SGCZ: variants seen among roughly 807,000 people sequenced by gnomAD.
SGCZ encodes sarcoglycan zeta, also known as zeta-sarcoglycan.
A neutral mutation model predicts 41.3 loss-of-function variants in SGCZ; 40 were observed. The observed-to-expected ratio is 0.97, with a 90% confidence interval of 0.75 to 1.26. The LOEUF (loss-of-function observed/expected upper bound fraction) is 1.26. Ranked by LOEUF, SGCZ falls within the 50% of genes most tolerant of loss-of-function variation. SGCZ has a pLI of 0.00. For synonymous variants in SGCZ, 206 were observed against 137.5 expected (o/e 1.50, Z -3.49); for missense variants, 552 against 369.8 (o/e 1.49, Z -4.04).
chr8:14,974,837 G>A (rs1326256671), intron 1 of SGCZ, among the ~76,000 whole-genome samples: 2 of 131,540 alleles, frequency 1.5e-5, no homozygotes, highest in South Asian at 2.4e-4. Flanking sequence ...GAAAACATAA[G>A]ACGAATGAAG....
intron 1 of SGCZ, among the ~76,000 whole-genome samples, chr8:15,186,696 G>A (rs1800356998): frequency 6.6e-6 from 1 of 152,154 alleles, no homozygotes; most frequent in South Asian, 2.1e-4. Context: ...TATTTATTGA[G>A]TGCATGAAGG....
chr8:15,019,603 C>G (rs1389112853), intron 1 of SGCZ, among the ~76,000 whole-genome samples: 1 of 151,872 alleles, frequency 6.6e-6, no homozygotes, highest in African/African-American at 2.4e-5. Context: ...CTTACATTCT[C>G]AGCTCCTCTG....
intron 1 of SGCZ, among the ~76,000 whole-genome samples, chr8:14,777,166 A>C (rs1340606236): frequency 6.6e-6 from 1 of 152,200 alleles, no homozygotes; most frequent in Non-Finnish European, 1.5e-5. Context: ...ATGGACGTTT[A>C]TCTAAAGTTA....
chr8:14,848,006 A>G (rs1250095347), intron 1 of SGCZ, among the ~76,000 whole-genome samples: 1 of 152,150 alleles, frequency 6.6e-6, no homozygotes, highest in Admixed American at 6.5e-5. Context: ...ATAACCTACA[A>G]AGAAGTTACT....
chr8:14,443,029 G>C (rs183843905), intron 2 of SGCZ, among the ~76,000 whole-genome samples: 1 of 152,174 alleles, frequency 6.6e-6, no homozygotes, highest in South Asian at 2.1e-4. Context: ...GCCAAACAGA[G>C]AGCCAAATCA....
chr8:14,400,994 A>G (rs1799055834), intron 2 of SGCZ, among the ~76,000 whole-genome samples: 1 of 152,146 alleles, frequency 6.6e-6, no homozygotes, highest in African/African-American at 2.4e-5. Flanking sequence ...CCTAACAATC[A>G]GTGGAACATG....
intron 1 of SGCZ, among the ~76,000 whole-genome samples, chr8:14,837,829 G>C (rs1034562975): frequency 3.9e-5 from 6 of 151,984 alleles, no homozygotes; most frequent in African/African-American, 1.2e-4. Context: ...TATTTAGGGA[G>C]TGCATGTGAT....
At chr8:14,447,324 A>C (rs1800461314) in intron 2 of SGCZ, among the ~76,000 whole-genome samples, 1 of 152,124 alleles carries the variant, frequency 6.6e-6, no homozygotes, top group African/African-American at 2.4e-5. Context: ...TTTTTATTTA[A>C]TTATGAAATC....
intron 4 of SGCZ, among the ~76,000 whole-genome samples, chr8:14,220,750 G>T (rs963101157): frequency 1.3e-5 from 2 of 151,316 alleles, no homozygotes; most frequent in Non-Finnish European, 2.9e-5. Flanking sequence ...TGACACCACT[G>T]CACTCCAGCC....
intron 1 of SGCZ, among the ~76,000 whole-genome samples, chr8:14,611,598 T>G (rs991956427): frequency 6.6e-6 from 1 of 152,150 alleles, no homozygotes; most frequent in East Asian, 1.9e-4. Flanking sequence ...ACATTTTCAG[T>G]GTAACATTCC....
At position 14,639,608 on chromosome 8, in the gene SGCZ, T is replaced by C. The variant is rs1010568339; in HGVS notation, c.40-84682A>G. ...TGAAGGCCTCCTGATCATGTATCTA[T>C]TCATGTATAGCTAATTTTCACATTT... On this transcript the variant is annotated intron_variant, in intron 1 of 7. Transcript: ENST00000382080. Among the ~76,000 whole-genome samples the C allele has an allele frequency of 2.0e-5, 3 of 151,770 alleles. No individual in the cohort carries two copies. In the East Asian group the frequency reaches 5.8e-4, roughly 30 times the overall value.
intron 1 of SGCZ, among the ~76,000 whole-genome samples, chr8:15,081,687 G>A (rs151308777): frequency 3.9e-5 from 6 of 152,112 alleles, no homozygotes; most frequent in Non-Finnish European, 7.4e-5. Flanking sequence ...GATAATGAAG[G>A]GAATGTACAC....
intron 1 of SGCZ, among the ~76,000 whole-genome samples, chr8:15,024,312 G>A (rs987167439): frequency 1.3e-5 from 2 of 151,776 alleles, no homozygotes; most frequent in Admixed American, 1.3e-4. Context: ...ATATCCACTG[G>A]AAAAAAAATC....
intron 1 of SGCZ, among the ~76,000 whole-genome samples, chr8:14,933,819 C>G (rs1428801805): frequency 1.3e-5 from 2 of 152,008 alleles, no homozygotes; most frequent in African/African-American, 4.8e-5. Context: ...AATATCTAGT[C>G]TAATTGGCCA....
intron 1 of SGCZ, among the ~76,000 whole-genome samples, chr8:15,237,321 G>A (rs1056013483): frequency 2.6e-5 from 4 of 152,160 alleles, no homozygotes; most frequent in African/African-American, 2.4e-5. Flanking sequence ...TCACGGACCA[G>A]GAGGAGGACG....
intron 4 of SGCZ, among the ~76,000 whole-genome samples, chr8:14,183,011 CAAAAAA>C (rs34038057): frequency 3.6e-5 from 3 of 83,776 alleles, no homozygotes; most frequent in African/African-American, 4.4e-5. Flanking sequence ...AACTCCGTCT[CAAAAAA>C]AAAAAAAAAA....
intron 1 of SGCZ, among the ~76,000 whole-genome samples, chr8:14,887,077 G>C (rs1358270264): frequency 2.6e-5 from 4 of 152,096 alleles, no homozygotes; most frequent in Non-Finnish European, 5.9e-5. Context: ...ACAGGTTGAA[G>C]GAGGGCCAAG....
At chr8:14,826,819 A>G (rs1389989716) in intron 1 of SGCZ, among the ~76,000 whole-genome samples, 1 of 152,178 alleles carries the variant, frequency 6.6e-6, no homozygotes, top group East Asian at 1.9e-4. Context: ...AGTTCATTGT[A>G]GATTCTGAAT....
chr8:14,247,012 G>C (rs1799120409), intron 3 of SGCZ, among the ~76,000 whole-genome samples: 2 of 151,570 alleles, frequency 1.3e-5, no homozygotes, highest in Non-Finnish European at 2.9e-5. Flanking sequence ...AAAGGAAGAA[G>C]TGCTTATTAT....
Sources: gnomAD v4.1 joint callset for allele counts (sites outside exome capture counted in the v4.1 genomes callset) on GRCh38, gnomAD v4.1.1 for gene constraint, MANE v1.5 for transcripts, NCBI Gene and HGNC (gene_info 2026-07-23, HGNC 2026-07-21) for gene names.